ERAP1: variants seen among roughly 807,000 people sequenced by gnomAD.
ERAP1 encodes the protein endoplasmic reticulum aminopeptidase 1, also known as adipocyte-derived leucine aminopeptidase.
In ERAP1, 86 loss-of-function variants were observed where a neutral mutation model predicts 103.7. That is an observed-to-expected ratio of 0.83 (90% CI 0.70 to 0.99). The LOEUF is 0.99. Ranked by LOEUF, ERAP1 falls within the 50% of genes least tolerant of loss-of-function variation. ERAP1 has a pLI of 0.00. For synonymous variants in ERAP1, 398 were observed against 402.4 expected, an observed-to-expected ratio of 0.99 and a Z score of 0.13; for missense variants, 1,009 against 1,128.4, an observed-to-expected ratio of 0.89 and a Z score of 1.52.
the ERAP1 span, among the ~76,000 whole-genome samples, chr5:96,882,342 G>T: frequency 6.6e-6 from 1 of 152,192 alleles, no homozygotes; most frequent in Non-Finnish European, 1.5e-5. Context: ...GAGTAAAGCT[G>T]TAGGACTTTC....
intron 12 of ERAP1, 88 bp from the exon 13 acceptor site, chr5:96,786,059 G>A: frequency 7.6e-7 from 1 of 1,313,506 alleles, no homozygotes; most frequent in Non-Finnish European, 1.1e-6. Context: ...GGAAATTAGA[G>A]AAGAGTTTAA....
rs1169795977 is a variant in ERAP1 at position 96,776,489 on chromosome 5, T to C, written c.2733A>G (p.Thr911=). ...CGATGTTTTCTTCAATGGTTTCAAT[T>C]GTCTGTTGGACACAACGGAGCTGAG... ...NGSQLRCVQQ[T]IETIEENIGW... is the part of the protein sequence containing the mutation. The change falls in exon 19 of 19, where the codon ACA becomes ACG. Residue 911 remains threonine, a synonymous_variant. Coordinates refer to ENST00000443439, the MANE Select transcript of ERAP1 (RefSeq NM_001040458.3). 6.2e-7 allele frequency: 1 copy of C among 1,614,216 alleles called. No individual in the cohort carries two copies. Among genetic ancestry groups the C allele is most frequent in the Non-Finnish European group, 8.5e-7 (1 of 1,180,036 alleles).
the ERAP1 span, chr5:96,881,131 G>A: frequency 7.3e-3 from 2,226 of 304,704 alleles, 36 homozygotes; most frequent in Non-Finnish European, 7.2e-3. Context: ...GCCTTGGGGC[G>A]TCTTGTAAGG....
At chr5:96,823,886 C>T in the ERAP1 span, among the ~76,000 whole-genome samples, 1 of 152,156 alleles carries the variant, frequency 6.6e-6, no homozygotes, top group Non-Finnish European at 1.5e-5. Context: ...TATTCTTGTG[C>T]TTTGAGGCTG....
At chr5:96,882,052 G>A in the ERAP1 span, among the ~76,000 whole-genome samples, 1 of 152,110 alleles carries the variant, frequency 6.6e-6, no homozygotes. Context: ...TCACTGCACA[G>A]CCTGCAGCCA....
the ERAP1 span, among the ~76,000 whole-genome samples, chr5:96,916,141 G>A: frequency 6.6e-6 from 1 of 151,704 alleles, no homozygotes; most frequent in Non-Finnish European, 1.5e-5. Flanking sequence ...GAATCACTTG[G>A]ACCCAGGAGG....
the ERAP1 span, among the ~76,000 whole-genome samples, chr5:96,858,217 C>CTTTTTTT: frequency 7.3e-6 from 1 of 137,128 alleles, no homozygotes; most frequent in Non-Finnish European, 1.6e-5. Flanking sequence ...TGTTCTTCTT[C>CTTTTTTT]TTTTTTTTTT....
the ERAP1 span, among the ~76,000 whole-genome samples, chr5:96,830,320 A>G: frequency 6.6e-6 from 1 of 152,116 alleles, no homozygotes; most frequent in African/African-American, 2.4e-5. Context: ...GGAAAATAAT[A>G]CCTTAGGCCT....
At chr5:96,932,841 C>T in the ERAP1 span, among the ~76,000 whole-genome samples, 2 of 151,970 alleles carry the variant, frequency 1.3e-5, no homozygotes, top group African/African-American at 2.4e-5. Context: ...ATTAACTCTC[C>T]AAATTAATGG....
chr5:96,880,378 AC>A, the ERAP1 span: 2 of 911,424 alleles, frequency 2.2e-6, no homozygotes, highest in Non-Finnish European at 1.6e-6. Context: ...ACTATGGGGA[AC>A]CCAGAAGAAG....
chr5:96,866,520 C>T, the ERAP1 span, among the ~76,000 whole-genome samples: 3 of 152,180 alleles, frequency 2.0e-5, no homozygotes, highest in Non-Finnish European at 4.4e-5. Flanking sequence ...ATGCCCAACC[C>T]GGTTGATACG....
At chr5:96,815,493 C>A in the ERAP1 span, among the ~76,000 whole-genome samples, 1 of 144,836 alleles carries the variant, frequency 6.9e-6, no homozygotes. Flanking sequence ...CTCACAGCAA[C>A]CTCTGCCTCC....
the ERAP1 span, among the ~76,000 whole-genome samples, chr5:96,855,902 G>T: frequency 2.0e-5 from 3 of 152,182 alleles, no homozygotes; most frequent in Non-Finnish European, 2.9e-5. Context: ...ATATGTGTAT[G>T]TGTGAGCCTT....
At chr5:96,842,257 A>G in the ERAP1 span, among the ~76,000 whole-genome samples, 19 of 152,244 alleles carry the variant, frequency 1.2e-4, no homozygotes, top group African/African-American at 4.6e-4. Flanking sequence ...CGTGTGTGCA[A>G]GTGTCTTTTT....
rs371125920 is a variant in ERAP1, at chr5:96,775,037, C to A, written c.*1359G>T. The A allele has an allele frequency of 2.4e-4, 233 of 983,916 alleles. No homozygotes were observed. In the Middle Eastern group the frequency reaches 6.3e-3, roughly 27 times the overall value. 60.9% of individuals were successfully genotyped at this position (983,916 alleles called of 1,614,324 possible). On this transcript the variant is annotated 3_prime_UTR_variant, in exon 19 of 19. Coordinates refer to ENST00000443439, the MANE Select transcript of ERAP1 (RefSeq NM_001040458.3). Reference sequence around the variant, plus strand: ...CACCTTAGAGTCAGCGCAAAACACGCTGCAACTTGAATCAAGTCAGCAACA... The same window carrying A: ...CACCTTAGAGTCAGCGCAAAACACGATGCAACTTGAATCAAGTCAGCAACA...
chr5:96,858,926 A>T, the ERAP1 span, among the ~76,000 whole-genome samples: 1 of 152,174 alleles, frequency 6.6e-6, no homozygotes, highest in Non-Finnish European at 1.5e-5. Context: ...AGGCAAACAC[A>T]AATCCAACAA....
chr5:96,809,174 G>A (rs1171876064), upstream of ERAP1, among the ~76,000 whole-genome samples: 2 of 152,178 alleles, frequency 1.3e-5, no homozygotes, highest in Non-Finnish European at 2.9e-5. Flanking sequence ...GGTTTTGGTG[G>A]GTTTTGGCCA....
At chr5:96,860,998 T>C in the ERAP1 span, among the ~76,000 whole-genome samples, 2 of 152,050 alleles carry the variant, frequency 1.3e-5, no homozygotes, top group African/African-American at 4.8e-5. Context: ...CAGAAGCCTC[T>C]ACCGACTGAA....
chr5:96,896,489 A>G, the ERAP1 span: 1 of 1,613,390 alleles, frequency 6.2e-7, no homozygotes, highest in Non-Finnish European at 8.5e-7. Context: ...TGTTTGATGA[A>G]GTTTCCTATA....
Sources: allele counts gnomAD v4.1 joint callset (sites outside exome capture counted in the v4.1 genomes callset), GRCh38; gene constraint gnomAD v4.1.1; transcripts MANE v1.5; gene names NCBI Gene and HGNC (gene_info 2026-07-23, HGNC 2026-07-21).